The following FAM20C variants were observed in gnomAD, a reference collection of about 807,000 sequenced individuals.
FAM20C encodes extracellular serine/threonine protein kinase FAM20C.
In FAM20C, 40 loss-of-function variants were observed where a neutral mutation model predicts 51.5. The observed-to-expected ratio is 0.78, with a 90% confidence interval of 0.60 to 1.01. The LOEUF (loss-of-function observed/expected upper bound fraction) is 1.01. Among genes scored for constraint, FAM20C ranks in the 50% least tolerant of loss-of-function variants. FAM20C has a pLI of 0.00. For synonymous variants in FAM20C, 406 were observed against 380.6 expected (o/e 1.07, Z -0.78); for missense variants, 861 against 844.7 (o/e 1.02, Z -0.24).
chr7:255,777 G>A (rs1475216459), intron 5 of FAM20C, 72 bp from the exon 6 acceptor site: 1 of 1,495,988 alleles, frequency 6.7e-7, no homozygotes, highest in Non-Finnish European at 9.0e-7. Context: ...GCCCGGCCTT[G>A]GGGGCCGTGA....
At chr7:208,066 T>C (rs1430863513) in intron 2 of FAM20C, among the ~76,000 whole-genome samples, 1 of 152,214 alleles carries the variant, frequency 6.6e-6, no homozygotes, top group Non-Finnish European at 1.5e-5. Context: ...AAAGTCACCC[T>C]GCTCAGGTTG....
chr7:242,150 A>T (rs1250999479), intron 3 of FAM20C, among the ~76,000 whole-genome samples: 4 of 152,040 alleles, frequency 2.6e-5, no homozygotes, highest in Non-Finnish European at 5.9e-5. Flanking sequence ...CCACATCACC[A>T]CACGGTGAGC....
chr7:257,907 G>C (rs1469678424), intron 8 of FAM20C, among the ~76,000 whole-genome samples: 8 of 135,524 alleles, frequency 5.9e-5, no homozygotes, highest in African/African-American at 1.2e-4. Context: ...CTGGAGATGG[G>C]CTGGGTGGAC....
intron 2 of FAM20C, chr7:197,642 C>A (rs976205301): frequency 3.3e-5 from 5 of 152,650 alleles, no homozygotes; most frequent in African/African-American, 1.2e-4. Context: ...ACAACAGTCC[C>A]CTCGTGTGCA....
At chr7:220,609 C>T (rs955870566) in intron 3 of FAM20C, among the ~76,000 whole-genome samples, 3 of 152,128 alleles carry the variant, frequency 2.0e-5, no homozygotes, top group Admixed American at 6.5e-5. Context: ...TCCTAGGAGG[C>T]GGCGTTGGAG....
At chr7:226,778 T>C (rs1474259519) in intron 3 of FAM20C, among the ~76,000 whole-genome samples, 1 of 152,232 alleles carries the variant, frequency 6.6e-6, no homozygotes, top group African/African-American at 2.4e-5. Context: ...AGCTGTCTTC[T>C]CCTGCCCTCA....
intron 8 of FAM20C, among the ~76,000 whole-genome samples, chr7:258,321 C>A (rs375478953): frequency 9.0e-5 from 7 of 77,466 alleles, no homozygotes; most frequent in East Asian, 7.4e-4. Context: ...GGACCCACTG[C>A]CCGGGGTGCT....
chr7:253,754 C>G (rs1214327861), intron 5 of FAM20C, among the ~76,000 whole-genome samples: 1 of 146,054 alleles, frequency 6.8e-6, no homozygotes, highest in Non-Finnish European at 1.5e-5. Context: ...CCTTTAATAC[C>G]CGATTTGGAT....
At chr7:219,008 C>T (rs1170519011) in intron 3 of FAM20C, among the ~76,000 whole-genome samples, 1 of 152,180 alleles carries the variant, frequency 6.6e-6, no homozygotes, top group East Asian at 1.9e-4. Context: ...TTGCTCAGAA[C>T]CTGTTAGTGG....
chr7:242,433 C>T (rs990466895), intron 3 of FAM20C, among the ~76,000 whole-genome samples: 22 of 152,026 alleles, frequency 1.4e-4, no homozygotes, highest in Non-Finnish European at 2.2e-4. Flanking sequence ...CCAGGACAGT[C>T]CTGACTGAGA....
intron 2 of FAM20C, among the ~76,000 whole-genome samples, chr7:208,016 G>C (rs947038013): frequency 6.6e-6 from 1 of 152,238 alleles, no homozygotes; most frequent in Non-Finnish European, 1.5e-5. Flanking sequence ...GGCGGGAGCT[G>C]CCTCGCATGA....
At chr7:213,739 G>A (rs1786835187) in intron 3 of FAM20C, among the ~76,000 whole-genome samples, 1 of 152,178 alleles carries the variant, frequency 6.6e-6, no homozygotes, top group Non-Finnish European at 1.5e-5. Context: ...GGAACTGACT[G>A]TCCGTTTTCT....
rs978809491 is a variant in FAM20C, at chr7:231,445, C to T, written c.864-14970C>T. On this transcript the variant is annotated intron_variant, in intron 3 of 9. Coordinates refer to ENST00000313766, the MANE Select transcript of FAM20C (RefSeq NM_020223.4). Reference sequence around the variant, plus strand: ...AGGAGGGTCCTGGCGTGGAGGGCCCCGTGGGAGGAGGGTCCCGGCGTGGAG... The same window carrying T: ...AGGAGGGTCCTGGCGTGGAGGGCCCTGTGGGAGGAGGGTCCCGGCGTGGAG... 1.6e-4 allele frequency among the ~76,000 whole-genome samples: 24 copies of T among 151,136 alleles called. 1 individual carries two copies. Among genetic ancestry groups the T allele is most frequent in the Admixed American group, 1.1e-3 (17 of 15,166 alleles).
intron 3 of FAM20C, among the ~76,000 whole-genome samples, chr7:234,156 TGAG>T (rs1186791647): frequency 4.1e-4 from 63 of 152,294 alleles, no homozygotes; most frequent in African/African-American, 1.4e-3. Flanking sequence ...CCTTCCTTCG[TGAG>T]GAGGAGAGCA....
chr7:218,758 G>T (rs182488794), intron 3 of FAM20C, among the ~76,000 whole-genome samples: 1 of 152,156 alleles, frequency 6.6e-6, no homozygotes, highest in Non-Finnish European at 1.5e-5. Context: ...GCTGACACAG[G>T]CCCAGGACGC....
chr7:228,291 C>T (rs1787521869), intron 3 of FAM20C: 5 of 367,264 alleles, frequency 1.4e-5, no homozygotes, highest in South Asian at 9.8e-5. Flanking sequence ...TGCTGCCTGT[C>T]CCCATGGGTT....
chr7:218,426 G>GTGGCC (rs1445644772), intron 3 of FAM20C, among the ~76,000 whole-genome samples: 2 of 152,234 alleles, frequency 1.3e-5, no homozygotes, highest in Non-Finnish European at 2.9e-5. Context: ...ACCCTCGGGT[G>GTGGCC]TGGCCCCTCT....
chr7:194,899 G>T (rs952103654), intron 1 of FAM20C, among the ~76,000 whole-genome samples: 2 of 152,222 alleles, frequency 1.3e-5, no homozygotes, highest in East Asian at 3.9e-4. Flanking sequence ...CGGAGGGTCT[G>T]TCCCTCCTCC....
At position 193,523 on chromosome 7, in the gene FAM20C, GA is replaced by G; in HGVS notation, c.327del (p.Lys109AsnfsTer21). 2 of 1,500,072 alleles carry G rather than the reference GA, an allele frequency of 1.3e-6. No homozygotes were observed. Among genetic ancestry groups the G allele is most frequent in the Non-Finnish European group, 1.8e-6 (2 of 1,121,562 alleles). The allele number at this position is 1,500,072 out of a possible 1,614,324, so 92.9% of individuals were successfully genotyped here. A position where few individuals can be genotyped will look rare whatever the true frequency, so the allele number is the denominator to read the frequency against. Reference protein sequence around the residue: ...SSNLSSHSLEKLPPAAEPAER... With the variant: ...SSNLSSHSLEXLPPAAEPAER... Reference sequence around the variant, plus strand: ...CCAACCTCTCGTCCCACTCGCTGGAGAAACTGCCGCCCGCGGCCGAGCCGGC... The same window carrying G: ...CCAACCTCTCGTCCCACTCGCTGGAGAACTGCCGCCCGCGGCCGAGCCGGC... On this transcript the variant is annotated frameshift_variant, in exon 1 of 10. Coordinates refer to ENST00000313766, the MANE Select transcript of FAM20C (RefSeq NM_020223.4). LOFTEE classifies it high-confidence loss of function.
Sources: gnomAD v4.1 joint callset for allele counts (sites outside exome capture counted in the v4.1 genomes callset) on GRCh38, gnomAD v4.1.1 for gene constraint, MANE v1.5 for transcripts, NCBI Gene and HGNC (gene_info 2026-07-23, HGNC 2026-07-21) for gene names.